NME5: variants seen among roughly 807,000 people sequenced by gnomAD.
NME5 encodes nucleoside diphosphate kinase 5.
In NME5, 18 loss-of-function variants were observed where a neutral mutation model predicts 21.6. The observed-to-expected ratio is 0.83, with a 90% CI of 0.58 to 1.24. The LOEUF is 1.24. Ranked by LOEUF, NME5 falls within the 50% of genes most tolerant of loss-of-function variation. NME5 has a pLI of 0.00. For synonymous variants in NME5, 70 were observed against 80.6 expected (o/e 0.87, Z 0.71); for missense variants, 223 against 255.4 (o/e 0.87, Z 0.86).
At chr5:138,119,928 A>C in intron 4 of NME5, among the ~76,000 whole-genome samples, 1 of 148,564 alleles carries the variant, frequency 6.7e-6, no homozygotes, top group East Asian at 2.0e-4. Context: ...TCATATTTTT[A>C]AAAATTTAAC....
chr5:138,117,584 C>A (rs977475193), intron 5 of NME5, among the ~76,000 whole-genome samples: 1 of 152,146 alleles, frequency 6.6e-6, no homozygotes, highest in African/African-American at 2.4e-5. Context: ...ATACAAATGG[C>A]CAAGAAGCTC....
intron 1 of NME5, 134 bp downstream of exon 1, chr5:138,139,237 G>T: frequency 2.2e-6 from 1 of 455,440 alleles, no homozygotes; most frequent in Non-Finnish European, 2.9e-6. Flanking sequence ...AGCTGCCTCT[G>T]TGAAGCGACC....
chr5:138,129,025 A>G (rs932727009), intron 3 of NME5, among the ~76,000 whole-genome samples: 2 of 152,170 alleles, frequency 1.3e-5, no homozygotes, highest in Admixed American at 6.5e-5. Context: ...AGGGTAATCA[A>G]CTATAAATCA....
intron 4 of NME5, among the ~76,000 whole-genome samples, chr5:138,122,100 GTTCT>G (rs1346028609): frequency 6.6e-6 from 1 of 152,004 alleles, no homozygotes; most frequent in Non-Finnish European, 1.5e-5. Flanking sequence ...TCTCAGCAAT[GTTCT>G]TTGTTTTTCA....
At chr5:138,138,996 C>CCGGCTTTT (rs1751798698) in intron 1 of NME5, 1 of 427,968 alleles carries the variant, frequency 2.3e-6, no homozygotes, top group Admixed American at 4.5e-5. Flanking sequence ...AAATCGAGCC[C>CCGGCTTTT]CGGCTTTTCG....
chr5:138,134,954 C>T (rs1751660724), intron 2 of NME5, among the ~76,000 whole-genome samples: 3 of 151,032 alleles, frequency 2.0e-5, no homozygotes, highest in South Asian at 4.2e-4. Context: ...CTGCCCGCCT[C>T]GGCCTCCCAA....
chr5:138,137,194 A>T (rs1377426978), intron 2 of NME5, among the ~76,000 whole-genome samples: 2 of 152,154 alleles, frequency 1.3e-5, no homozygotes, highest in Non-Finnish European at 2.9e-5. Context: ...TATTTACCTG[A>T]GTCTTTAATC....
chr5:138,132,103 T>C (rs1283462537), intron 2 of NME5, among the ~76,000 whole-genome samples: 1 of 152,190 alleles, frequency 6.6e-6, no homozygotes, highest in Non-Finnish European at 1.5e-5. Flanking sequence ...CTCATGCCTC[T>C]AATCCCAGCA....
intron 4 of NME5, among the ~76,000 whole-genome samples, chr5:138,119,383 A>T (rs1236073666): frequency 6.6e-6 from 1 of 151,982 alleles, no homozygotes; most frequent in Non-Finnish European, 1.5e-5. Context: ...CGTTGAGTAG[A>T]GGCAGGGTTT....
chr5:138,119,782 G>C (rs1329517454), intron 4 of NME5, among the ~76,000 whole-genome samples: 1 of 151,770 alleles, frequency 6.6e-6, no homozygotes, highest in Non-Finnish European at 1.5e-5. Context: ...TCAGCCTCCT[G>C]AGTAGAACCA....
At chr5:138,124,464 T>C (rs894298896) in intron 4 of NME5, among the ~76,000 whole-genome samples, 2 of 152,238 alleles carry the variant, frequency 1.3e-5, no homozygotes, top group Non-Finnish European at 2.9e-5. Flanking sequence ...CCTTATCAGA[T>C]ACATGGTTTG....
chr5:138,129,481 C>CA lies in NME5; in HGVS notation c.130-14dup. 1 of 1,593,772 alleles carries CA rather than the reference C, an allele frequency of 6.3e-7. No homozygotes were observed. Among genetic ancestry groups the CA allele is most frequent in the Non-Finnish European group, 8.6e-7 (1 of 1,162,368 alleles). On this transcript the variant is annotated splice_polypyrimidine_tract_variant and intron_variant, in intron 2 of 5. Transcript: ENST00000265191. ...GTAGTTTTCTTCTCTATAAAAGACACAAAGTCAACAAAAGCATTTAAAATG... is the reference window on the plus strand; with the variant it reads ...GTAGTTTTCTTCTCTATAAAAGACACAAAAGTCAACAAAAGCATTTAAAATG...
intron 2 of NME5, among the ~76,000 whole-genome samples, chr5:138,136,711 C>T (rs557660925): frequency 1.3e-5 from 2 of 151,826 alleles, no homozygotes; most frequent in South Asian, 2.1e-4. Flanking sequence ...GGCACGATCT[C>T]GGCTCACGGC....
chr5:138,135,979 G>A (rs1035032300), intron 2 of NME5, among the ~76,000 whole-genome samples: 6 of 151,984 alleles, frequency 3.9e-5, no homozygotes, highest in Admixed American at 1.3e-4. Flanking sequence ...GCTTTCTTCC[G>A]TTAACAGTAC....
chr5:138,126,540 A>C (rs1025261590), intron 4 of NME5, among the ~76,000 whole-genome samples: 3 of 150,014 alleles, frequency 2.0e-5, no homozygotes, highest in Non-Finnish European at 4.5e-5. Flanking sequence ...AAAAAAAGAA[A>C]GAAAGCGAAA....
chr5:138,117,839 C>T (rs575415431), intron 5 of NME5, among the ~76,000 whole-genome samples: 19 of 151,850 alleles, frequency 1.3e-4, no homozygotes, highest in Admixed American at 9.9e-4. Flanking sequence ...AAAAATTACC[C>T]GGGCGTGGTG....
intron 3 of NME5, 37 bp from the exon 4 acceptor site, chr5:138,128,616 A>G: frequency 6.9e-7 from 1 of 1,443,634 alleles, no homozygotes; most frequent in Non-Finnish European, 9.6e-7. Flanking sequence ...ATCCAATCTA[A>G]CGTCTATTCC....
intron 3 of NME5, 59 bp from the exon 4 acceptor site, chr5:138,128,638 G>T: frequency 8.9e-7 from 1 of 1,125,790 alleles, no homozygotes; most frequent in Non-Finnish European, 1.3e-6. Context: ...TACTTTATAT[G>T]CATGCATTCC....
chr5:138,132,007 A>T (rs1751581135), intron 2 of NME5, among the ~76,000 whole-genome samples: 5 of 152,166 alleles, frequency 3.3e-5, no homozygotes, highest in Admixed American at 2.6e-4. Flanking sequence ...GGCCTCCCAA[A>T]GTGCTGGGAT....
Sources: allele counts gnomAD v4.1 joint callset (sites outside exome capture counted in the v4.1 genomes callset), GRCh38; gene constraint gnomAD v4.1.1; transcripts MANE v1.5; gene names NCBI Gene and HGNC (gene_info 2026-07-23, HGNC 2026-07-21).